SLC24A2: variants seen among roughly 807,000 people sequenced by gnomAD.
SLC24A2 encodes the protein sodium/potassium/calcium exchanger 2.
In SLC24A2, 36 loss-of-function variants were observed where a neutral mutation model predicts 62.0. The ratio of observed to expected loss-of-function variants is 0.58; its 90% confidence interval spans 0.44 to 0.77. The LOEUF (loss-of-function observed/expected upper bound fraction) is 0.77, where lower values mean the gene tolerates loss of function less well. Among genes scored for constraint, SLC24A2 ranks in the 30% least tolerant of loss-of-function variants. SLC24A2 has a pLI of 0.00. For synonymous variants in SLC24A2, 358 were observed against 294.0 expected (o/e 1.22, Z -2.23); for missense variants, 846 against 817.9 (o/e 1.03, Z -0.42).
At chr9:19,900,643 A>G in the SLC24A2 span, among the ~76,000 whole-genome samples, 3 of 152,372 alleles carry the variant, frequency 2.0e-5, no homozygotes, top group African/African-American at 4.8e-5. Context: ...GAAACAAAGT[A>G]TGCAAATAAC....
At chr9:19,700,065 A>G (rs1204779417) in intron 2 of SLC24A2, among the ~76,000 whole-genome samples, 3 of 152,198 alleles carry the variant, frequency 2.0e-5, no homozygotes, top group African/African-American at 7.2e-5. Context: ...TCACAGATGA[A>G]GTTTAAAGAC....
chr9:19,714,353 C>A (rs2118613110), intron 2 of SLC24A2, among the ~76,000 whole-genome samples: 1 of 152,336 alleles, frequency 6.6e-6, no homozygotes, highest in African/African-American at 2.4e-5. Flanking sequence ...CATCCCAAGC[C>A]TGCCTTGTAA....
the SLC24A2 span, among the ~76,000 whole-genome samples, chr9:19,968,821 G>T: frequency 6.6e-6 from 1 of 152,118 alleles, no homozygotes; most frequent in Non-Finnish European, 1.5e-5. Flanking sequence ...TCATCTCAAG[G>T]CATGAGTTTC....
the SLC24A2 span, among the ~76,000 whole-genome samples, chr9:20,062,009 G>A: frequency 6.6e-6 from 1 of 152,158 alleles, no homozygotes; most frequent in Non-Finnish European, 1.5e-5. Flanking sequence ...GCTAAGGCAG[G>A]AGGATTGCTT....
chr9:19,959,732 C>T, the SLC24A2 span, among the ~76,000 whole-genome samples: 1 of 152,134 alleles, frequency 6.6e-6, no homozygotes, highest in African/African-American at 2.4e-5. Context: ...TTTAAGATTC[C>T]TCTAGTCTAT....
chr9:20,118,701 T>A, the SLC24A2 span, among the ~76,000 whole-genome samples: 2 of 152,070 alleles, frequency 1.3e-5, no homozygotes, highest in African/African-American at 4.8e-5. Flanking sequence ...AAAAGTGACC[T>A]CCGTAACTCT....
the SLC24A2 span, among the ~76,000 whole-genome samples, chr9:19,911,335 G>A: frequency 2.0e-5 from 3 of 151,976 alleles, no homozygotes; most frequent in African/African-American, 7.3e-5. Context: ...CATTTGGGTT[G>A]GTTCCAAGTC....
the SLC24A2 span, among the ~76,000 whole-genome samples, chr9:19,843,009 C>A: frequency 1.6e-3 from 249 of 152,242 alleles, no homozygotes; most frequent in Admixed American, 5.9e-3. Context: ...GAAGCCAGAA[C>A]TGTGTCTTTG....
intron 2 of SLC24A2, among the ~76,000 whole-genome samples, chr9:19,644,459 G>A (rs1818586288): frequency 6.6e-6 from 1 of 152,138 alleles, no homozygotes; most frequent in South Asian, 2.1e-4. Context: ...TCATCCCTAT[G>A]TTACAGATGG....
intron 2 of SLC24A2, among the ~76,000 whole-genome samples, chr9:19,661,197 C>CTTT (rs368134064): frequency 6.8e-6 from 1 of 147,738 alleles, no homozygotes; most frequent in Non-Finnish European, 1.5e-5. Context: ...CTTAAATGAC[C>CTTT]TTTTTTTTTT....
At chr9:20,280,535 C>T in the SLC24A2 span, among the ~76,000 whole-genome samples, 1 of 152,154 alleles carries the variant, frequency 6.6e-6, no homozygotes, top group Non-Finnish European at 1.5e-5. Context: ...TCAGTGGTGA[C>T]CATTGTTACT....
the SLC24A2 span, among the ~76,000 whole-genome samples, chr9:19,995,877 C>G: frequency 6.6e-6 from 1 of 152,220 alleles, no homozygotes; most frequent in East Asian, 1.9e-4. Context: ...CTAGGCCCCT[C>G]TCCTCTTTAG....
chr9:19,793,078 A>G (rs1051627627), upstream of SLC24A2, among the ~76,000 whole-genome samples: 5 of 152,226 alleles, frequency 3.3e-5, no homozygotes, highest in Non-Finnish European at 5.9e-5. Context: ...TGCGCTTGGC[A>G]TTTTGGCTAA....
chr9:19,821,996 T>G, the SLC24A2 span, among the ~76,000 whole-genome samples: 1 of 152,134 alleles, frequency 6.6e-6, no homozygotes, highest in Admixed American at 6.6e-5. Context: ...CTTGATATAG[T>G]GTGCAAGACA....
At chr9:20,141,607 C>T in the SLC24A2 span, among the ~76,000 whole-genome samples, 1 of 151,512 alleles carries the variant, frequency 6.6e-6, no homozygotes, top group Non-Finnish European at 1.5e-5. Flanking sequence ...GAAAGCCCTG[C>T]CTCATGATCT....
intron 9 of SLC24A2, among the ~76,000 whole-genome samples, chr9:19,526,390 G>A (rs1833448517): frequency 6.6e-6 from 1 of 152,186 alleles, no homozygotes; most frequent in South Asian, 2.1e-4. Context: ...TAGATCATAT[G>A]GTAACTCTAT....
chr9:19,703,564 C>T (rs144329888), intron 2 of SLC24A2, among the ~76,000 whole-genome samples: 4 of 152,258 alleles, frequency 2.6e-5, no homozygotes, highest in African/African-American at 9.6e-5. Context: ...AAATATTTAG[C>T]AAGTGAGCTC....
the SLC24A2 span, among the ~76,000 whole-genome samples, chr9:20,219,727 G>A: frequency 1.3e-5 from 2 of 152,134 alleles, no homozygotes; most frequent in Admixed American, 6.6e-5. Flanking sequence ...ACATTTGGCA[G>A]GGCATATGAA....
At chr9:19,929,108 G>T in the SLC24A2 span, 1 of 152,172 alleles carries the variant, frequency 6.6e-6, no homozygotes, top group African/African-American at 2.4e-5. Context: ...TTTGTCTGGA[G>T]AATAACCTGT....
Sources: allele counts gnomAD v4.1 joint callset (sites outside exome capture counted in the v4.1 genomes callset), GRCh38; gene constraint gnomAD v4.1.1; transcripts MANE v1.5; gene names NCBI Gene and HGNC (gene_info 2026-07-23, HGNC 2026-07-21).